Variants in RPTOR observed in about 807,000 individuals in gnomAD.
RPTOR encodes the protein regulatory-associated protein of mTOR.
RPTOR carries 21 observed loss-of-function variants against 169.9 expected under a neutral mutation model. That is an observed-to-expected ratio of 0.12 (90% CI 0.09 to 0.18). The LOEUF is 0.18. Among genes scored for constraint, RPTOR ranks in the 10% least tolerant of loss-of-function variants. The pLI is 1.00. For synonymous variants in RPTOR, 732 were observed against 753.2 expected, an observed-to-expected ratio of 0.97 and a Z score of 0.46; for missense variants, 1,133 against 1,855.9, an observed-to-expected ratio of 0.61 and a Z score of 7.16.
intron 13 of RPTOR, among the ~76,000 whole-genome samples, chr17:80,864,038 T>C (rs2067951759): frequency 6.6e-6 from 1 of 152,188 alleles, no homozygotes; most frequent in South Asian, 2.1e-4. Flanking sequence ...TGACATAACG[T>C]ACTATTTGGG....
rs2065638657 is a variant in RPTOR at position 80,651,460 on chromosome 17, G to A, written c.348+7650G>A. ...TGTCACAGTGGTGTTCATGAATTTG[G>A]GTGTTCACAAGGGCTTCTGTACAGC... is the stretch of plus-strand genomic sequence containing the variant. On this transcript the variant is annotated intron_variant, in intron 3 of 33. Transcript: ENST00000306801. The surrounding 1 kb of genome is among the most constrained non-coding windows in gnomAD (Gnocchi z 4.1). Among the ~76,000 whole-genome samples the A allele has an allele frequency of 1.3e-5, 2 of 152,156 alleles. No homozygotes were observed. The highest frequency in any genetic ancestry group is 1.3e-4 in the Admixed American group (2 of 15,278).
intron 21 of RPTOR, among the ~76,000 whole-genome samples, chr17:80,914,219 G>C (rs1025273040): frequency 6.6e-6 from 1 of 152,280 alleles, no homozygotes; most frequent in African/African-American, 2.4e-5. Flanking sequence ...GCTGGCAGGA[G>C]GCAGGGACCG....
chr17:80,615,718 A>T (rs1279936751), intron 1 of RPTOR, among the ~76,000 whole-genome samples: 1 of 152,066 alleles, frequency 6.6e-6, no homozygotes, highest in African/African-American at 2.4e-5. Flanking sequence ...AGGCCTTCTT[A>T]TTCCACCGTG....
At chr17:80,945,832 C>T (rs764502488) in intron 26 of RPTOR, 51 bp downstream of exon 26, 3 of 1,109,536 alleles carry the variant, frequency 2.7e-6, no homozygotes, top group Admixed American at 2.6e-5. Context: ...ACAGCCCCAG[C>T]GATGCCCTGT....
At chr17:80,807,499 C>T (rs536193364) in intron 7 of RPTOR, among the ~76,000 whole-genome samples, 24 of 152,212 alleles carry the variant, frequency 1.6e-4, no homozygotes, top group African/African-American at 5.3e-4. Flanking sequence ...TACAGGCACA[C>T]ACCACCACAC....
rs144473378 is a variant in RPTOR at position 80,844,347 on chromosome 17, T to A, written c.1213-2126T>A. 2.3e-3 allele frequency among the ~76,000 whole-genome samples: 356 copies of A among 152,212 alleles called. No individual in the cohort carries two copies. The Middle Eastern group carries it at 0.024, about 10-fold the overall frequency. On this transcript the variant is annotated intron_variant, in intron 10 of 33. Transcript: ENST00000306801. The surrounding 1 kb of genome is among the most constrained non-coding windows in gnomAD (Gnocchi z 4.7). ...TTCTCTTTCTGCATGGAGTAGTGAC[T>A]CCAGCAGTGAGGAACATGTGAAAAT...
intron 6 of RPTOR, 109 bp from the exon 7 acceptor site, chr17:80,791,341 G>C (rs926758884): frequency 2.4e-6 from 2 of 829,544 alleles, no homozygotes; most frequent in Non-Finnish European, 1.9e-6. Flanking sequence ...CTTGTTCACC[G>C]TGGTAGTCCC....
intron 2 of RPTOR, among the ~76,000 whole-genome samples, chr17:80,634,541 CTGTG>C (rs1270361640): frequency 1.1e-5 from 1 of 92,408 alleles, no homozygotes; most frequent in Admixed American, 1.2e-4. Context: ...CATGTGCGTA[CTGTG>C]TGTGTGCATA....
At chr17:80,874,432 T>C (rs111313482) in intron 13 of RPTOR, among the ~76,000 whole-genome samples, 2,407 of 152,290 alleles carry the variant, frequency 0.016, 73 homozygotes, top group African/African-American at 0.055. Flanking sequence ...CTTAACCTCA[T>C]GATCCACCCG....
intron 1 of RPTOR, among the ~76,000 whole-genome samples, chr17:80,568,073 A>T (rs1568309098): frequency 2.6e-5 from 4 of 151,450 alleles, no homozygotes; most frequent in African/African-American, 7.3e-5. Flanking sequence ...TGCCCAGCTA[A>T]TTTTTTTGTG....
chr17:80,880,626 G>A, intron 14 of RPTOR, 137 bp downstream of exon 14: 3 of 723,344 alleles, frequency 4.1e-6, no homozygotes. Flanking sequence ...CACGTCCACG[G>A]GGTCAGCAAC....
chr17:80,887,628 A>T (rs2068264991), intron 17 of RPTOR, among the ~76,000 whole-genome samples: 1 of 152,096 alleles, frequency 6.6e-6, no homozygotes, highest in African/African-American at 2.4e-5. Flanking sequence ...TGGGGAGTAG[A>T]ACTGGCTGAG....
At chr17:80,871,020 C>G (rs2068046019) in intron 13 of RPTOR, among the ~76,000 whole-genome samples, 1 of 152,188 alleles carries the variant, frequency 6.6e-6, no homozygotes, top group African/African-American at 2.4e-5. Context: ...GACAGTTTCC[C>G]AGACTCTCCT....
intron 6 of RPTOR, among the ~76,000 whole-genome samples, chr17:80,781,697 C>T (rs559849396): frequency 1.3e-5 from 2 of 152,312 alleles, no homozygotes; most frequent in Non-Finnish European, 2.9e-5. Flanking sequence ...GACTAAATTT[C>T]GATCCCAACT....
At chr17:80,940,658 A>AGGGTCCCCTGTGAGC in intron 25 of RPTOR, 57 bp downstream of exon 25, 1 of 1,447,574 alleles carries the variant, frequency 6.9e-7, no homozygotes, top group Non-Finnish European at 9.5e-7. Flanking sequence ...GCCTGGGGCG[A>AGGGTCCCCTGTGAGC]GGGTCCCCTG....
intron 11 of RPTOR, among the ~76,000 whole-genome samples, chr17:80,851,382 C>T (rs1451071434): frequency 6.6e-6 from 1 of 152,118 alleles, no homozygotes; most frequent in Non-Finnish European, 1.5e-5. Context: ...ACAGAAACAA[C>T]ATTGGCTTTT....
chr17:80,887,974 C>T (rs2068269625), intron 17 of RPTOR, among the ~76,000 whole-genome samples: 1 of 152,232 alleles, frequency 6.6e-6, no homozygotes, highest in East Asian at 1.9e-4. Context: ...CTAGAACCCC[C>T]AGTGTCACCC....
In RPTOR at chr17:80,957,810, A is replaced by G; in HGVS notation, c.3477+80A>G. 7.5e-7 allele frequency: 1 copy of G among 1,326,212 alleles called. No individual in the cohort carries two copies. Among genetic ancestry groups the G allele is most frequent in the East Asian group, 2.3e-5 (1 of 43,132 alleles). 82.2% of individuals were successfully genotyped at this position (1,326,212 alleles called of 1,614,324 possible). A position where few individuals can be genotyped will look rare whatever the true frequency, so the allele number is the denominator to read the frequency against. ...CTGGTCCTCGTCACAGAACCCAGCA[A>G]AGTGTGCGGTGAGGCCTGGCCATCC... On this transcript the variant is annotated intron_variant, in intron 29 of 33. Transcript: ENST00000306801. This position sits in a 1 kb window ranked among gnomAD's most constrained non-coding sequence, Gnocchi z 4.6.
In RPTOR at chr17:80,903,286, C is replaced by T. The variant is rs147014957; in HGVS notation, c.2402-5525C>T. On this transcript the variant is annotated intron_variant, in intron 20 of 33. Transcript: ENST00000306801. ...CTCCACACCTGAACACGGGATTCTGCGGGAGAGCTGGTGTCAAGTCCTGAC... is the reference window on the plus strand; with the variant it reads ...CTCCACACCTGAACACGGGATTCTGTGGGAGAGCTGGTGTCAAGTCCTGAC... Among the ~76,000 whole-genome samples, 916 of 152,314 alleles carry T rather than the reference C, an allele frequency of 6.0e-3. 4 individuals carry two copies. The highest frequency in any genetic ancestry group is 0.021 in the African/African-American group (859 of 41,570).
Sources: gnomAD v4.1 joint callset for allele counts (sites outside exome capture counted in the v4.1 genomes callset) on GRCh38, gnomAD v4.1.1 for gene constraint, Gnocchi (gnomAD v3.1) non-coding constraint, MANE v1.5 for transcripts, NCBI Gene and HGNC (gene_info 2026-07-23, HGNC 2026-07-21) for gene names.